Variants in ELF2 observed in about 807,000 individuals in gnomAD.
ELF2 encodes E74 like ETS transcription factor 2, also known as ETS-related transcription factor Elf-2.
Under a neutral mutation model 54.8 loss-of-function variants are expected in ELF2, and 11 were observed. That is an observed-to-expected ratio of 0.20 (90% confidence interval 0.13 to 0.33). The LOEUF is 0.33. ELF2 is among the 10% of genes least tolerant of loss of function. The pLI is 1.00. For missense variants in ELF2, 513 were observed against 703.0 expected (o/e 0.73, Z 3.06); for synonymous variants, 203 against 245.1 (o/e 0.83, Z 1.61).
intron 4 of ELF2, among the ~76,000 whole-genome samples, chr4:139,076,385 A>G (rs1027347459): frequency 1.3e-5 from 2 of 152,114 alleles, no homozygotes; most frequent in African/African-American, 2.4e-5. Context: ...AAGACATATT[A>G]TCATTCTCAA....
At chr4:139,163,226 G>T (rs779538907) in intron 1 of ELF2, among the ~76,000 whole-genome samples, 3 of 152,056 alleles carry the variant, frequency 2.0e-5, no homozygotes, top group African/African-American at 7.2e-5. Context: ...TATATGAAGT[G>T]TAACAAAAAA....
At chr4:139,112,735 A>G (rs1306506967) in intron 4 of ELF2, among the ~76,000 whole-genome samples, 3 of 151,820 alleles carry the variant, frequency 2.0e-5, no homozygotes, top group African/African-American at 7.2e-5. Context: ...TTTATTGATC[A>G]TTCTTGGGTG....
rs1383697761 is a variant in ELF2 at position 139,137,681 on chromosome 4, G to A, written c.21C>T (p.Asp7=). ...AAAGCTCCAAAATAGTACCTCCACT[G>A]TCAACCACTGCTGATGTCATTGTTA... The part of the protein sequence containing the change: MTSAVV[D]SGGTILELSS... The change falls in exon 3 of 10, where the codon GAC becomes GAT. Residue 7 remains aspartate, a synonymous_variant. Transcript: ENST00000686138. 1.9e-6 allele frequency: 3 copies of A among 1,614,036 alleles called. No homozygotes were observed. In the South Asian group the frequency reaches 3.3e-5, roughly 18 times the overall value.
chr4:139,067,827 C>T (rs1157394781), intron 6 of ELF2, 57 bp from the exon 7 acceptor site: 3 of 1,467,112 alleles, frequency 2.0e-6, no homozygotes, highest in East Asian at 2.3e-5. Flanking sequence ...ATGAGAGGCA[C>T]GATTAGCAGA....
chr4:139,080,628 A>C (rs1026197202), intron 4 of ELF2, among the ~76,000 whole-genome samples: 1 of 152,168 alleles, frequency 6.6e-6, no homozygotes, highest in Non-Finnish European at 1.5e-5. Context: ...AAGACAAATA[A>C]AGGAAAAAGT....
At chr4:139,160,087 C>T (rs1740972403) in intron 1 of ELF2, among the ~76,000 whole-genome samples, 1 of 152,184 alleles carries the variant, frequency 6.6e-6, no homozygotes, top group Non-Finnish European at 1.5e-5. Flanking sequence ...CCTGTAATCC[C>T]AGCACTTTGG....
intron 4 of ELF2, chr4:139,100,244 T>C (rs1733733046): frequency 6.6e-6 from 1 of 152,134 alleles, no homozygotes; most frequent in South Asian, 2.1e-4. Context: ...CCTGGCAACA[T>C]AGTAAAGAAA....
At chr4:139,138,374 G>T (rs539529767) in intron 2 of ELF2, among the ~76,000 whole-genome samples, 37 of 151,070 alleles carry the variant, frequency 2.4e-4, no homozygotes, top group Middle Eastern at 6.8e-3. Context: ...CCAAGATGGC[G>T]CCACTGCACT....
chr4:139,113,891 C>T (rs1189317568), intron 4 of ELF2, among the ~76,000 whole-genome samples: 1 of 152,012 alleles, frequency 6.6e-6, no homozygotes, highest in Non-Finnish European at 1.5e-5. Context: ...TAAAATCATT[C>T]CTTTTCATTT....
At chr4:139,177,647 G>A (rs531632126), upstream of ELF2, among the ~76,000 whole-genome samples, 1 of 152,042 alleles carries the variant, frequency 6.6e-6, no homozygotes, top group Non-Finnish European at 1.5e-5. Flanking sequence ...TGCCGCACGG[G>A]GCAGGCGTGT....
chr4:139,072,998 T>A (rs1349637686), intron 5 of ELF2, among the ~76,000 whole-genome samples: 1 of 152,062 alleles, frequency 6.6e-6, no homozygotes, highest in Non-Finnish European at 1.5e-5. Flanking sequence ...CACAAAAAAA[T>A]AAAAACTCAC....
intron 4 of ELF2, among the ~76,000 whole-genome samples, chr4:139,112,129 T>A (rs2148810493): frequency 6.6e-6 from 1 of 152,218 alleles, no homozygotes; most frequent in African/African-American, 2.4e-5. Flanking sequence ...TTTTGCCTCT[T>A]ACACCTCATT....
chr4:139,124,333 A>G (rs978461947), intron 4 of ELF2, among the ~76,000 whole-genome samples: 1 of 152,240 alleles, frequency 6.6e-6, no homozygotes, highest in African/African-American at 2.4e-5. Flanking sequence ...AGAGGCTAGT[A>G]GCCCTAAGGG....
At position 139,084,457 on chromosome 4, in the gene ELF2, G is replaced by GGCGGCT. The variant is rs1553957946; in HGVS notation, c.239-10896_239-10891dup. The GGCGGCT allele has an allele frequency of 2.3e-3, 2,668 of 1,150,708 alleles. 46 individuals are homozygous for GGCGGCT. In the African/African-American group the frequency reaches 0.037, roughly 16 times the overall value. 71.3% of individuals were successfully genotyped at this position (1,150,708 alleles called of 1,614,324 possible). A position where few individuals can be genotyped will look rare whatever the true frequency, so the allele number is the denominator to read the frequency against. ...GGGCAGGGGCGGCGGCGGCGGCGGCGGCGGCTGTGGCTGTGGCGGCCGCCG... is the reference window on the plus strand; with the variant it reads ...GGGCAGGGGCGGCGGCGGCGGCGGCGGCGGCTGCGGCTGTGGCTGTGGCGGCCGCCG... On this transcript the variant is annotated intron_variant, in intron 4 of 9. Transcript: ENST00000686138.
At chr4:139,065,047 T>G (rs1186176450) in intron 7 of ELF2, among the ~76,000 whole-genome samples, 1 of 152,176 alleles carries the variant, frequency 6.6e-6, no homozygotes, top group Non-Finnish European at 1.5e-5. Flanking sequence ...TTTATTTTGT[T>G]CACATAGTAG....
At chr4:139,089,198 C>G (rs1279703190) in intron 4 of ELF2, among the ~76,000 whole-genome samples, 2 of 152,082 alleles carry the variant, frequency 1.3e-5, no homozygotes, top group African/African-American at 2.4e-5. Context: ...ACCTAAAGAT[C>G]CTTTATCTAC....
At chr4:139,161,133 G>A (rs1175237899) in intron 1 of ELF2, among the ~76,000 whole-genome samples, 1 of 152,106 alleles carries the variant, frequency 6.6e-6, no homozygotes, top group Non-Finnish European at 1.5e-5. Context: ...GAAATTCCTT[G>A]AGGAATTCTA....
intron 4 of ELF2, among the ~76,000 whole-genome samples, chr4:139,112,752 G>A (rs576880536): frequency 7.0e-4 from 106 of 151,194 alleles, no homozygotes; most frequent in African/African-American, 2.5e-3. Context: ...GGTGTTTCTC[G>A]GAGATGTATA....
intron 8 of ELF2, 107 bp from the exon 9 acceptor site, chr4:139,060,781 T>TATCTCTAATAACAGATGAGAAAAA: frequency 1.1e-6 from 1 of 901,874 alleles, no homozygotes; most frequent in Non-Finnish European, 1.7e-6. Flanking sequence ...AACATTCCCT[T>TATCTCTAATAACAGATGAGAAAAA]ATCTCTAATA....
Sources: allele counts gnomAD v4.1 joint callset (sites outside exome capture counted in the v4.1 genomes callset), GRCh38; gene constraint gnomAD v4.1.1; transcripts MANE v1.5; gene names NCBI Gene and HGNC (gene_info 2026-07-23, HGNC 2026-07-21).